Variants in COL22A1 observed in about 807,000 individuals in gnomAD.
COL22A1 encodes the protein collagen alpha-1(XXII) chain.
Under a neutral mutation model 248.9 loss-of-function variants are expected in COL22A1, and 221 were observed. The ratio of observed to expected loss-of-function variants is 0.89; its 90% CI spans 0.80 to 0.99. The LOEUF is 0.99. Ranked by LOEUF, COL22A1 falls within the 50% of genes least tolerant of loss-of-function variation. The pLI, the probability that COL22A1 is intolerant of heterozygous loss-of-function variation, is 0.00. For synonymous variants in COL22A1, 891 were observed against 793.4 expected (o/e 1.12, Z -2.07); for missense variants, 2,240 against 2,179.0 (o/e 1.03, Z -0.56).
At chr8:138,597,674 G>T (rs960334670) in intron 61 of COL22A1, among the ~76,000 whole-genome samples, 13 of 152,258 alleles carry the variant, frequency 8.5e-5, no homozygotes, top group Admixed American at 7.9e-4. Flanking sequence ...AAGGGCAGGG[G>T]TCTTACGGTG....
At chr8:138,903,719 T>C (rs1814790382) in intron 1 of COL22A1, among the ~76,000 whole-genome samples, 1 of 152,136 alleles carries the variant, frequency 6.6e-6, no homozygotes, top group Non-Finnish European at 1.5e-5. Flanking sequence ...GTTGATGGGG[T>C]ACATGGAAGA....
At chr8:138,768,110 G>C (rs1403912215) in intron 16 of COL22A1, among the ~76,000 whole-genome samples, 1 of 152,112 alleles carries the variant, frequency 6.6e-6, no homozygotes, top group Non-Finnish European at 1.5e-5. Flanking sequence ...CTGGCCCTCC[G>C]CCTCTGCCCT....
chr8:138,798,327 C>T (rs1014644925), intron 11 of COL22A1, among the ~76,000 whole-genome samples: 2 of 151,730 alleles, frequency 1.3e-5, no homozygotes, highest in African/African-American at 4.8e-5. Context: ...CTACAGGTCT[C>T]CTGTCCCACT....
chr8:138,648,773 C>A (rs1251211865), intron 46 of COL22A1, among the ~76,000 whole-genome samples: 5 of 152,098 alleles, frequency 3.3e-5, no homozygotes, highest in Non-Finnish European at 5.9e-5. Context: ...TGGATAAAGC[C>A]AATTAGCTAA....
intron 16 of COL22A1, among the ~76,000 whole-genome samples, chr8:138,774,847 T>A (rs1049149894): frequency 6.6e-6 from 1 of 152,078 alleles, no homozygotes; most frequent in African/African-American, 2.4e-5. Context: ...CTCTAAAAAC[T>A]CTACAGCAGC....
At chr8:138,758,064 G>A (rs1833172829) in intron 18 of COL22A1, among the ~76,000 whole-genome samples, 1 of 152,140 alleles carries the variant, frequency 6.6e-6, no homozygotes, top group Admixed American at 6.5e-5. Flanking sequence ...CCCCAACCTT[G>A]AACCAGTCAC....
intron 57 of COL22A1, 101 bp from the exon 58 acceptor site, chr8:138,606,553 T>G: frequency 2.7e-6 from 3 of 1,118,706 alleles, no homozygotes; most frequent in East Asian, 2.6e-5. Flanking sequence ...GCCTGAGACA[T>G]CCACACAACA....
At chr8:138,654,598 C>T (rs977472402) in intron 45 of COL22A1, among the ~76,000 whole-genome samples, 5 of 152,140 alleles carry the variant, frequency 3.3e-5, no homozygotes, top group African/African-American at 4.8e-5. Flanking sequence ...CCCAGAGTTA[C>T]GAAGAGGCTT....
intron 17 of COL22A1, among the ~76,000 whole-genome samples, chr8:138,760,638 G>A (rs769638321): frequency 6.6e-6 from 1 of 152,136 alleles, no homozygotes; most frequent in African/African-American, 2.4e-5. Context: ...GAGCATAGAA[G>A]GTGGAGTCTG....
chr8:138,762,398 C>A lies in COL22A1; in HGVS notation c.1857+15G>T, dbSNP rs975600658. Reference sequence around the variant, plus strand: ...GCTGATGAAACCTAGCCCAACAGCGCCAGCACCCACCTACCTGCTGTCCTG... The same window carrying A: ...GCTGATGAAACCTAGCCCAACAGCGACAGCACCCACCTACCTGCTGTCCTG... On this transcript the variant is annotated intron_variant, in intron 17 of 64. Transcript: ENST00000303045. 1.2e-6 allele frequency: 2 copies of A among 1,613,800 alleles called. No homozygotes were observed. The highest frequency in any genetic ancestry group is 1.7e-6 in the Non-Finnish European group (2 of 1,179,794).
intron 39 of COL22A1, among the ~76,000 whole-genome samples, chr8:138,681,663 C>A (rs780251510): frequency 1.3e-5 from 2 of 152,142 alleles, no homozygotes; most frequent in Non-Finnish European, 2.9e-5. Flanking sequence ...CACGGGGGAG[C>A]CTGCCACGTA....
chr8:138,656,864 T>C (rs1823314266), intron 44 of COL22A1, among the ~76,000 whole-genome samples: 1 of 152,176 alleles, frequency 6.6e-6, no homozygotes. Flanking sequence ...TTTAGGTGTA[T>C]GAATTACAAA....
chr8:138,728,819 T>C (rs1322907553), intron 23 of COL22A1, among the ~76,000 whole-genome samples: 1 of 152,060 alleles, frequency 6.6e-6, no homozygotes, highest in Non-Finnish European at 1.5e-5. Flanking sequence ...CTTGTTTAGA[T>C]TCAGAGACAG....
rs988708672 is a variant in COL22A1 at position 138,716,398 on chromosome 8, G to T, written c.2401-109C>A. The T allele has an allele frequency of 6.7e-6, 5 of 745,998 alleles. No homozygotes were observed. The African/African-American group carries it at 7.1e-5, about 11-fold the overall frequency. The allele number at this position is 745,998 out of a possible 1,614,324, so 46.2% of individuals were successfully genotyped here. On this transcript the variant is annotated intron_variant, in intron 28 of 64. Transcript: ENST00000303045. ...CTCTCCAGGAACTGGAGATGTTCTG[G>T]CTTAGTGGACATCACATGGAAAGCA...
intron 3 of COL22A1, among the ~76,000 whole-genome samples, chr8:138,872,626 T>C (rs1347589613): frequency 6.6e-6 from 1 of 152,240 alleles, no homozygotes; most frequent in Non-Finnish European, 1.5e-5. Context: ...GCTCCGGGGC[T>C]GGCCTTGTCC....
chr8:138,775,821 C>T (rs1814394814), intron 16 of COL22A1, 145 bp downstream of exon 16: 1 of 817,292 alleles, frequency 1.2e-6, no homozygotes, highest in Non-Finnish European at 2.1e-6. Flanking sequence ...CATACACATG[C>T]AAATATACAT....
rs182564564 is a variant in COL22A1, at chr8:138,676,261, T to G, written c.3150+297A>C. 4.7e-5 allele frequency among the ~76,000 whole-genome samples: 7 copies of G among 149,546 alleles called. No individual in the cohort carries two copies. In the East Asian group the frequency reaches 1.4e-3, roughly 30 times the overall value. On this transcript the variant is annotated intron_variant, in intron 41 of 64. Transcript: ENST00000303045. ...AATACAAAAAATTAGCCAGGCGTGG[T>G]GGCAGGCACCTGTAATCTCCGTTAC... is the stretch of plus-strand genomic sequence containing the variant.
At position 138,755,784 on chromosome 8, in the gene COL22A1, C is replaced by T. The variant is rs765811436; in HGVS notation, c.1947+1G>A. ...CATGATTCCAACCACTGCTGACTCACCACTGAGCCTGGTACACCAGGTGGC... is the reference window on the plus strand; with the variant it reads ...CATGATTCCAACCACTGCTGACTCATCACTGAGCCTGGTACACCAGGTGGC... On this transcript the variant is annotated splice_donor_variant, in intron 19 of 64. Coordinates refer to ENST00000303045, the MANE Select transcript of COL22A1 (RefSeq NM_152888.3). LOFTEE classifies it high-confidence loss of function. 1 of 1,614,114 alleles carries T rather than the reference C, an allele frequency of 6.2e-7. No individual in the cohort carries two copies. Among genetic ancestry groups the T allele is most frequent in the Non-Finnish European group, 8.5e-7 (1 of 1,179,964 alleles).
At position 138,778,155 on chromosome 8, in the gene COL22A1, C is replaced by G. The variant is rs893528913; in HGVS notation, c.1758+198G>C. On this transcript the variant is annotated intron_variant, in intron 15 of 64. Transcript: ENST00000303045. ...GGGGTCCCAGGAATATGCATTTAAACTTGTTCTCTGGGTGATTCTTATGGA... is the reference window on the plus strand; with the variant it reads ...GGGGTCCCAGGAATATGCATTTAAAGTTGTTCTCTGGGTGATTCTTATGGA... The G allele has an allele frequency of 7.4e-6, 5 of 676,718 alleles. No individual in the cohort carries two copies. In the African/African-American group the frequency reaches 9.0e-5, roughly 12 times the overall value. The allele number at this position is 676,718 out of a possible 1,614,324, so 41.9% of individuals were successfully genotyped here.
Sources: allele counts gnomAD v4.1 joint callset (sites outside exome capture counted in the v4.1 genomes callset), GRCh38; gene constraint gnomAD v4.1.1; transcripts MANE v1.5; gene names NCBI Gene and HGNC (gene_info 2026-07-23, HGNC 2026-07-21).